The following PLEKHH2 variants were observed in gnomAD, a reference collection of about 807,000 sequenced individuals.
The protein encoded by PLEKHH2 is pleckstrin homology, MyTH4 and FERM domain containing H2.
In PLEKHH2, 129 loss-of-function variants were observed where a neutral mutation model predicts 187.9. The ratio of observed to expected loss-of-function variants is 0.69; its 90% CI spans 0.59 to 0.79. PLEKHH2 has a LOEUF of 0.79. Among genes scored for constraint, PLEKHH2 ranks in the 30% least tolerant of loss-of-function variants. The pLI is 0.00. For synonymous variants in PLEKHH2, 686 were observed against 605.6 expected (o/e 1.13, Z -1.95); for missense variants, 2,076 against 1,751.2 (o/e 1.19, Z -3.31).
At chr2:43,697,441 T>G in intron 7 of PLEKHH2, 85 bp downstream of exon 7, 1 of 1,113,656 alleles carries the variant, frequency 9.0e-7, no homozygotes, top group South Asian at 2.0e-5. Context: ...ATAGCTTAAT[T>G]TTCCTTATTT....
intron 17 of PLEKHH2, among the ~76,000 whole-genome samples, 156 bp downstream of exon 17, chr2:43,726,607 G>A (rs576150027): frequency 1.3e-5 from 2 of 152,290 alleles, no homozygotes; most frequent in African/African-American, 2.4e-5. Flanking sequence ...CCCTGGAAAT[G>A]AGCCTCGTTC....
At chr2:43,740,909 A>G (rs1481166653) in intron 20 of PLEKHH2, 37 bp from the exon 21 acceptor site, 2 of 1,606,138 alleles carry the variant, frequency 1.2e-6, no homozygotes, top group Admixed American at 1.7e-5. Flanking sequence ...TCTGACTGGC[A>G]CGTGGTATCT....
At chr2:43,750,786 C>T (rs1220040166) in intron 24 of PLEKHH2, among the ~76,000 whole-genome samples, 1 of 152,112 alleles carries the variant, frequency 6.6e-6, no homozygotes, top group African/African-American at 2.4e-5. Context: ...TCTCACGTAC[C>T]ATTTATTTGT....
intron 2 of PLEKHH2, among the ~76,000 whole-genome samples, chr2:43,645,002 G>C (rs1666119200): frequency 6.6e-6 from 1 of 152,098 alleles, no homozygotes; most frequent in Non-Finnish European, 1.5e-5. Flanking sequence ...TGGCATATGT[G>C]AGAACCGTGT....
intron 14 of PLEKHH2, chr2:43,711,075 G>C (rs189474118): frequency 2.0e-6 from 2 of 986,494 alleles, no homozygotes; most frequent in Non-Finnish European, 2.4e-6. Flanking sequence ...AGGGGCAGCT[G>C]CTGCCCATTT....
chr2:43,732,063 C>T (rs964753453), intron 19 of PLEKHH2, among the ~76,000 whole-genome samples: 6 of 152,132 alleles, frequency 3.9e-5, no homozygotes. Flanking sequence ...CTTCCAGTAA[C>T]TCTTCAGATT....
intron 3 of PLEKHH2, among the ~76,000 whole-genome samples, chr2:43,684,538 C>A (rs1668398792): frequency 6.6e-6 from 1 of 151,996 alleles, no homozygotes; most frequent in South Asian, 2.1e-4. Flanking sequence ...CACCCGCCCC[C>A]CACCGACCCC....
intron 19 of PLEKHH2, among the ~76,000 whole-genome samples, chr2:43,734,333 C>T (rs559063440): frequency 6.6e-6 from 1 of 152,156 alleles, no homozygotes; most frequent in South Asian, 2.1e-4. Flanking sequence ...AAAGATTGAA[C>T]AAAAATAATA....
At chr2:43,758,584 A>C (rs531219898) in intron 26 of PLEKHH2, among the ~76,000 whole-genome samples, 2 of 152,228 alleles carry the variant, frequency 1.3e-5, no homozygotes, top group Admixed American at 1.3e-4. Context: ...AAATATTCCC[A>C]TGAGAAATTA....
At chr2:43,715,694 T>G (rs1256405843) in intron 15 of PLEKHH2, among the ~76,000 whole-genome samples, 3 of 152,078 alleles carry the variant, frequency 2.0e-5, no homozygotes, top group Admixed American at 6.6e-5. Flanking sequence ...GGTAGAAAGA[T>G]GATAGCAGAT....
At chr2:43,743,042 G>T (rs1255025535) in intron 22 of PLEKHH2, 124 bp downstream of exon 22, 1 of 692,740 alleles carries the variant, frequency 1.4e-6, no homozygotes, top group Non-Finnish European at 2.1e-6. Flanking sequence ...AAATATATTA[G>T]ATTTACTATC....
chr2:43,687,621 C>T (rs1246048531), intron 3 of PLEKHH2, among the ~76,000 whole-genome samples: 1 of 152,088 alleles, frequency 6.6e-6, no homozygotes, highest in Non-Finnish European at 1.5e-5. Flanking sequence ...TATAAGTGTT[C>T]CCATTTCTCC....
intron 20 of PLEKHH2, among the ~76,000 whole-genome samples, chr2:43,739,506 G>C (rs1247867728): frequency 1.3e-5 from 2 of 152,190 alleles, no homozygotes; most frequent in Admixed American, 6.5e-5. Context: ...GGTTTTGTGA[G>C]ACCGAAGCTT....
intron 7 of PLEKHH2, among the ~76,000 whole-genome samples, chr2:43,697,563 G>C (rs1487641601): frequency 6.6e-6 from 1 of 152,148 alleles, no homozygotes; most frequent in Non-Finnish European, 1.5e-5. Context: ...AGGAGAAACT[G>C]ATTTTTCCTT....
intron 7 of PLEKHH2, 31 bp downstream of exon 7, chr2:43,697,387 C>T: frequency 6.5e-7 from 1 of 1,527,760 alleles, no homozygotes; most frequent in South Asian, 1.3e-5. Flanking sequence ...TTGACTTTGG[C>T]ATTTTTTAAA....
At chr2:43,720,285 T>C (rs1670419939) in intron 15 of PLEKHH2, among the ~76,000 whole-genome samples, 1 of 152,086 alleles carries the variant, frequency 6.6e-6, no homozygotes, top group Non-Finnish European at 1.5e-5. Context: ...TAAATCTTTT[T>C]TTTTTTTTTT....
intron 2 of PLEKHH2, among the ~76,000 whole-genome samples, chr2:43,657,078 A>C (rs1241698884): frequency 6.6e-6 from 1 of 152,120 alleles, no homozygotes; most frequent in Non-Finnish European, 1.5e-5. Context: ...TTCAATTAAC[A>C]ATCATTTTAT....
chr2:43,685,397 C>G (rs1301371883), intron 3 of PLEKHH2, among the ~76,000 whole-genome samples: 1 of 152,068 alleles, frequency 6.6e-6, no homozygotes, highest in Non-Finnish European at 1.5e-5. Context: ...TCTTGGTGAT[C>G]TTTATACTTA....
At chr2:43,742,668 T>C in intron 21 of PLEKHH2, 73 bp from the exon 22 acceptor site, 2 of 1,174,848 alleles carry the variant, frequency 1.7e-6, no homozygotes, top group Non-Finnish European at 2.3e-6. Context: ...CACGGATGCT[T>C]TCTTAATGGT....
Sources: gnomAD v4.1 joint callset for allele counts (sites outside exome capture counted in the v4.1 genomes callset) on GRCh38, gnomAD v4.1.1 for gene constraint, MANE v1.5 for transcripts, NCBI Gene and HGNC (gene_info 2026-07-23, HGNC 2026-07-21) for gene names.